Variants in PODNL1 observed in about 807,000 individuals in gnomAD.
PODNL1 encodes podocan like 1, also known as podocan-like protein 1.
In PODNL1, 50 loss-of-function variants were observed where a neutral mutation model predicts 45.1. The observed-to-expected ratio is 1.11, with a 90% confidence interval of 0.88 to 1.40. The LOEUF (loss-of-function observed/expected upper bound fraction) is 1.40. PODNL1 is among the 40% of genes most tolerant of loss of function. PODNL1 has a pLI of 0.00. For synonymous variants in PODNL1, 406 were observed against 372.5 expected (o/e 1.09, Z -1.04); for missense variants, 788 against 793.3 (o/e 0.99, Z 0.08).
chr19:13,947,251 C>CAGGT (rs1019793175), intron 1 of PODNL1, among the ~76,000 whole-genome samples: 2 of 145,390 alleles, frequency 1.4e-5, no homozygotes, highest in African/African-American at 5.1e-5. Flanking sequence ...GAGGCCAAGG[C>CAGGT]AGGTGGATCA....
At position 13,935,962 on chromosome 19, in the gene PODNL1, G is replaced by C; in HGVS notation, c.384+18C>G. 1.3e-6 allele frequency: 2 copies of C among 1,551,406 alleles called. No homozygotes were observed. Among genetic ancestry groups the C allele is most frequent in the South Asian group, 1.2e-5 (1 of 84,264 alleles). ...CACCCTCACTGGGCTCGGCCTGCGG[G>C]TGGGGCTGGGGGCTCACCTTGTTGT... On this transcript the variant is annotated intron_variant, in intron 4 of 9. Transcript: ENST00000588872.
chr19:13,944,583 G>A (rs924834944), intron 1 of PODNL1, among the ~76,000 whole-genome samples: 4 of 151,420 alleles, frequency 2.6e-5, no homozygotes, highest in African/African-American at 9.7e-5. Context: ...TCAGCCTCCC[G>A]AGTAGCTGGG....
At chr19:13,942,947 G>A (rs1007447828), upstream of PODNL1, among the ~76,000 whole-genome samples, 1 of 151,988 alleles carries the variant, frequency 6.6e-6, no homozygotes, top group East Asian at 1.9e-4. Flanking sequence ...GTTGCAGTGA[G>A]CCGCGATCAC....
At chr19:13,952,067 C>T (rs1023239541) in intron 1 of PODNL1, among the ~76,000 whole-genome samples, 1 of 152,200 alleles carries the variant, frequency 6.6e-6, no homozygotes, top group Non-Finnish European at 1.5e-5. Flanking sequence ...CAAGTATGCT[C>T]GTCAGGCCTT....
chr19:13,934,795 G>T (rs568133995), intron 5 of PODNL1, among the ~76,000 whole-genome samples: 1 of 152,096 alleles, frequency 6.6e-6, no homozygotes, highest in Non-Finnish European at 1.5e-5. Context: ...GGGTGAGTGT[G>T]TGCATGTGAT....
rs544362584 is a variant in PODNL1, at chr19:13,938,311, C to G, written c.-130G>C. On this transcript the variant is annotated 5_prime_UTR_variant, in exon 1 of 10. Transcript: ENST00000588872. The stretch of plus-strand genomic sequence containing the variant: ...CCATCTCCAGACCCATGCCACCCCC[C>G]ACAACAGCCTGTTCTCCCGGGGCTT... The G allele has an allele frequency of 2.8e-6, 4 of 1,452,832 alleles. No homozygotes were observed. Among genetic ancestry groups the G allele is most frequent in the Admixed American group, 5.3e-5 (2 of 38,074 alleles). 90.0% of individuals were successfully genotyped at this position (1,452,832 alleles called of 1,614,324 possible).
intron 1 of PODNL1, among the ~76,000 whole-genome samples, chr19:13,946,954 G>C (rs1972836428): frequency 6.6e-6 from 1 of 150,794 alleles, no homozygotes; most frequent in African/African-American, 2.4e-5. Context: ...GGGAGGCTGA[G>C]GTGGGAGAAT....
chr19:13,948,580 G>T (rs531262399), intron 1 of PODNL1, among the ~76,000 whole-genome samples: 1 of 150,396 alleles, frequency 6.6e-6, no homozygotes, highest in Admixed American at 6.6e-5. Context: ...GCTCCCCCAA[G>T]ACTATTCCTG....
At chr19:13,944,185 A>C (rs945251474) in intron 1 of PODNL1, among the ~76,000 whole-genome samples, 1 of 151,988 alleles carries the variant, frequency 6.6e-6, no homozygotes, top group Non-Finnish European at 1.5e-5. Flanking sequence ...TTTTTGACAG[A>C]GTCTCGCTCT....
intron 1 of PODNL1, among the ~76,000 whole-genome samples, chr19:13,947,481 CAAAAAAAAAAAGA>C (rs1430402017): frequency 8.3e-6 from 1 of 120,702 alleles, no homozygotes; most frequent in African/African-American, 3.1e-5. Flanking sequence ...AACTCCACCT[CAAAAAAAAAAAGA>C]AAAAAAAAAG....
intron 1 of PODNL1, among the ~76,000 whole-genome samples, chr19:13,945,280 G>A (rs1972778445): frequency 6.6e-6 from 1 of 152,022 alleles, no homozygotes; most frequent in Non-Finnish European, 1.5e-5. Context: ...GGAGCCTGAG[G>A]CAGGAGGAAC....
rs571786052 is a variant in PODNL1 at position 13,933,707 on chromosome 19, G to T, written c.767+171C>A. On this transcript the variant is annotated intron_variant, in intron 7 of 9. Transcript: ENST00000588872. The surrounding 1 kb of genome is among the most constrained non-coding windows in gnomAD (Gnocchi z 5.2). ...GGCATGTGAGACTTACGATGTCAGT[G>T]CAGGGCTGTGGGGAACAGGGACACC... Among the ~76,000 whole-genome samples the T allele has an allele frequency of 1.3e-5, 2 of 152,292 alleles. No individual in the cohort carries two copies. Among genetic ancestry groups the T allele is most frequent in the East Asian group, 3.9e-4 (2 of 5,188 alleles).
chr19:13,951,951 T>A (rs1487492509), intron 1 of PODNL1, among the ~76,000 whole-genome samples: 1 of 152,236 alleles, frequency 6.6e-6, no homozygotes, highest in Non-Finnish European at 1.5e-5. Context: ...GCTATCATTA[T>A]CACCACCATC....
chr19:13,952,944 A>T, intron 1 of PODNL1: 3 of 895,680 alleles, frequency 3.3e-6, no homozygotes, highest in Non-Finnish European at 4.9e-6. Flanking sequence ...CCGCAGGGAG[A>T]ATCAGGAGGA....
rs371618255 is a variant in PODNL1 at position 13,937,778 on chromosome 19, G to A, written c.225+7C>T. On this transcript the variant is annotated splice_region_variant and intron_variant, in intron 2 of 9. Transcript: ENST00000588872. The stretch of plus-strand genomic sequence containing the variant: ...TGCATGCCCCCACTCCCCTCCGTGG[G>A]CCCCACCTGCAGGGAGAGGTGCTGA... The A allele has an allele frequency of 2.9e-4, 459 of 1,571,828 alleles. 1 individual carries two copies. The highest frequency in any genetic ancestry group is 3.5e-4 in the Non-Finnish European group (407 of 1,159,158).
chr19:13,935,894 C>A, intron 4 of PODNL1, 64 bp from the exon 5 acceptor site: 1 of 1,543,956 alleles, frequency 6.5e-7, no homozygotes, highest in Non-Finnish European at 8.8e-7. Flanking sequence ...ACTTCCCCAG[C>A]AGAGCTGTCC....
chr19:13,951,291 T>A (rs538194981), intron 1 of PODNL1, among the ~76,000 whole-genome samples: 390 of 150,306 alleles, frequency 2.6e-3, no homozygotes, highest in African/African-American at 7.8e-3. Flanking sequence ...ACAAAAAAAA[T>A]TTTTTTAATG....
At chr19:13,948,774 C>CAAAAAAAAA (rs781038849) in intron 1 of PODNL1, among the ~76,000 whole-genome samples, 1 of 68,190 alleles carries the variant, frequency 1.5e-5, no homozygotes, top group African/African-American at 4.9e-5. Context: ...CCTGCCTCTA[C>CAAAAAAAAA]AAAAAAAAAA....
intron 1 of PODNL1, among the ~76,000 whole-genome samples, chr19:13,946,303 C>T (rs1330403221): frequency 6.6e-6 from 1 of 151,684 alleles, no homozygotes; most frequent in Non-Finnish European, 1.5e-5. Context: ...GTGGTGGGTA[C>T]CCGTAATCCC....
Sources: gnomAD v4.1 joint callset for allele counts (sites outside exome capture counted in the v4.1 genomes callset) on GRCh38, gnomAD v4.1.1 for gene constraint, Gnocchi (gnomAD v3.1) non-coding constraint, MANE v1.5 for transcripts, NCBI Gene and HGNC (gene_info 2026-07-23, HGNC 2026-07-21) for gene names.